The following DGKG variants were observed in gnomAD, a reference collection of about 807,000 sequenced individuals.
DGKG encodes DAG kinase gamma.
Under a neutral mutation model 105.3 loss-of-function variants are expected in DGKG, and 78 were observed. The ratio of observed to expected loss-of-function variants is 0.74; its 90% CI spans 0.62 to 0.89. DGKG has a LOEUF of 0.89. Ranked by LOEUF, DGKG falls within the 40% of genes least tolerant of loss-of-function variation. The pLI, the probability that DGKG is intolerant of heterozygous loss-of-function variation, is 0.00. For synonymous variants in DGKG, 346 were observed against 367.1 expected (o/e 0.94, Z 0.66); for missense variants, 958 against 1,020.1 (o/e 0.94, Z 0.83).
chr3:186,276,846 T>G (rs1722611700), intron 9 of DGKG, among the ~76,000 whole-genome samples: 1 of 152,216 alleles, frequency 6.6e-6, no homozygotes, highest in African/African-American at 2.4e-5. Flanking sequence ...ATGGATGTAG[T>G]GTCCAATATG....
chr3:186,155,817 T>G (rs1197652895), intron 24 of DGKG, among the ~76,000 whole-genome samples: 1 of 152,224 alleles, frequency 6.6e-6, no homozygotes, highest in Admixed American at 6.5e-5. Flanking sequence ...CAGCAATGAA[T>G]ATAAAGACAA....
chr3:186,228,686 G>A (rs1002022451), intron 20 of DGKG, among the ~76,000 whole-genome samples: 5 of 152,100 alleles, frequency 3.3e-5, no homozygotes, highest in African/African-American at 9.7e-5. Flanking sequence ...GCATTTCCCC[G>A]GTTGCTTCTC....
intron 1 of DGKG, among the ~76,000 whole-genome samples, chr3:186,341,568 G>C (rs960224510): frequency 2.6e-5 from 4 of 152,212 alleles, no homozygotes; most frequent in Non-Finnish European, 4.4e-5. Context: ...AAAGACAAGA[G>C]AGGGAAGGTA....
At chr3:186,276,220 T>C (rs1722582369) in intron 9 of DGKG, among the ~76,000 whole-genome samples, 1 of 152,194 alleles carries the variant, frequency 6.6e-6, no homozygotes, top group African/African-American at 2.4e-5. Flanking sequence ...CCGTCTGATG[T>C]AATGTTAGGT....
At chr3:186,197,897 G>A (rs147232687) in intron 21 of DGKG, among the ~76,000 whole-genome samples, 41 of 152,146 alleles carry the variant, frequency 2.7e-4, no homozygotes, top group Non-Finnish European at 4.7e-4. Context: ...CAATGCTCTT[G>A]CTAGAAATGA....
chr3:186,303,274 G>T (rs1393702392), intron 3 of DGKG, among the ~76,000 whole-genome samples: 1 of 152,304 alleles, frequency 6.6e-6, no homozygotes, highest in Non-Finnish European at 1.5e-5. Flanking sequence ...GTGGCTAGGG[G>T]TCATGCCCAA....
rs549939539 is a variant in DGKG at position 186,152,583 on chromosome 3, C to T, written c.2278-2395G>A. Among the ~76,000 whole-genome samples the T allele has an allele frequency of 7.2e-5, 11 of 152,322 alleles. No homozygotes were observed. The East Asian group carries it at 1.5e-3, about 21-fold the overall frequency. On this transcript the variant is annotated intron_variant, in intron 24 of 24. Coordinates refer to ENST00000265022, the MANE Select transcript of DGKG (RefSeq NM_001346.3). ...TGGAAGTACTGACTGATAAGCCCTA[C>T]GTGCTGGCAGTGGAGATGGCTCTGT...
intron 23 of DGKG, among the ~76,000 whole-genome samples, chr3:186,161,875 G>A (rs1407839778): frequency 6.7e-6 from 1 of 150,296 alleles, no homozygotes; most frequent in Non-Finnish European, 1.5e-5. Flanking sequence ...CCAGTGGTCT[G>A]TGTTTCTGTG....
intron 20 of DGKG, among the ~76,000 whole-genome samples, chr3:186,230,590 T>C (rs1343866914): frequency 6.6e-6 from 1 of 152,042 alleles, no homozygotes; most frequent in Non-Finnish European, 1.5e-5. Flanking sequence ...TGGAAGTAGG[T>C]GCTTGTGCAG....
intron 3 of DGKG, among the ~76,000 whole-genome samples, chr3:186,299,688 T>C (rs1435287106): frequency 6.6e-6 from 1 of 152,168 alleles, no homozygotes; most frequent in Non-Finnish European, 1.5e-5. Flanking sequence ...TGTCCCTTCC[T>C]CCCACATCCT....
At chr3:186,174,046 AC>A (rs1716953033) in intron 22 of DGKG, among the ~76,000 whole-genome samples, 1 of 152,160 alleles carries the variant, frequency 6.6e-6, no homozygotes, top group Non-Finnish European at 1.5e-5. Flanking sequence ...CAGAGAATGT[AC>A]CCCTGTGACA....
intron 5 of DGKG, among the ~76,000 whole-genome samples, chr3:186,296,199 T>C (rs1723554967): frequency 7.1e-6 from 1 of 140,822 alleles, no homozygotes; most frequent in Non-Finnish European, 1.5e-5. Flanking sequence ...ATTTACTGTG[T>C]GCCAGGCACT....
chr3:186,269,878 C>T (rs976707734), intron 11 of DGKG, among the ~76,000 whole-genome samples: 8 of 152,112 alleles, frequency 5.3e-5, no homozygotes, highest in African/African-American at 1.4e-4. Context: ...TGTGTCAGTG[C>T]GGCTAAAGCA....
rs1032550012 is a variant in DGKG, at chr3:186,147,627, A to G, written c.*2463T>C. ...TCAAGCAACATTGCAAGTCCTGTGC[A>G]CTAGGGTGCAGCAGGTAAGGGCCAT... is the stretch of plus-strand genomic sequence containing the variant. On this transcript the variant is annotated 3_prime_UTR_variant, in exon 25 of 25. Coordinates refer to ENST00000265022, the MANE Select transcript of DGKG (RefSeq NM_001346.3). The G allele has an allele frequency of 8.1e-6, 8 of 985,322 alleles. 1 individual carries two copies. The Admixed American group carries it at 4.3e-4, about 53-fold the overall frequency. 61.0% of individuals were successfully genotyped at this position (985,322 alleles called of 1,614,324 possible).
At position 186,319,419 on chromosome 3, in the gene DGKG, G is replaced by A. The variant is rs533452065; in HGVS notation, c.67+974C>T. Among the ~76,000 whole-genome samples the A allele has an allele frequency of 3.9e-5, 6 of 152,290 alleles. No individual in the cohort carries two copies. In the South Asian group the frequency reaches 6.2e-4, roughly 16 times the overall value. ...TGGATTCCCTGACTCCTAGACCAGC[G>A]CTGGGGACAAGGACTGCCTACTGTG... On this transcript the variant is annotated intron_variant, in intron 2 of 24. Coordinates refer to ENST00000265022, the MANE Select transcript of DGKG (RefSeq NM_001346.3).
intron 22 of DGKG, among the ~76,000 whole-genome samples, chr3:186,181,266 G>A (rs1717346039): frequency 6.6e-6 from 1 of 152,184 alleles, no homozygotes; most frequent in Non-Finnish European, 1.5e-5. Flanking sequence ...CACGTGGTGG[G>A]GGCTTTGTAA....
intron 22 of DGKG, among the ~76,000 whole-genome samples, chr3:186,166,216 G>T (rs1716535105): frequency 1.3e-5 from 2 of 152,308 alleles, no homozygotes; most frequent in South Asian, 2.1e-4. Flanking sequence ...TGTCAACATT[G>T]CTAGTCTAAA....
chr3:186,333,241 G>C (rs541921441), intron 1 of DGKG, among the ~76,000 whole-genome samples: 1 of 152,262 alleles, frequency 6.6e-6, no homozygotes, highest in East Asian at 1.9e-4. Flanking sequence ...CAAATTCTTG[G>C]AACCCGCACC....
In DGKG at chr3:186,203,165, G is replaced by C. The variant is rs994640745; in HGVS notation, c.1917+8630C>G. On this transcript the variant is annotated intron_variant, in intron 21 of 24. Transcript: ENST00000265022. This position sits in a 1 kb window ranked among gnomAD's most constrained non-coding sequence, Gnocchi z 4.9. ...AGAAACAGTTTTTCTTTAGTAAGCT[G>C]AACGATTCTAAGCATTAGTGAAGGA... 6.6e-6 allele frequency among the ~76,000 whole-genome samples: 1 copy of C among 152,202 alleles called. No individual in the cohort carries two copies. Among genetic ancestry groups the C allele is most frequent in the Non-Finnish European group, 1.5e-5 (1 of 68,040 alleles).
Sources: gnomAD v4.1 joint callset for allele counts (sites outside exome capture counted in the v4.1 genomes callset) on GRCh38, gnomAD v4.1.1 for gene constraint, Gnocchi (gnomAD v3.1) non-coding constraint, MANE v1.5 for transcripts, NCBI Gene and HGNC (gene_info 2026-07-23, HGNC 2026-07-21) for gene names.